TTLL9: variants seen among roughly 807,000 people sequenced by gnomAD.
The protein encoded by TTLL9 is probable tubulin polyglutamylase TTLL9.
A neutral mutation model predicts 65.6 loss-of-function variants in TTLL9; 47 were observed. That is an observed-to-expected ratio of 0.72 (90% CI 0.57 to 0.91). TTLL9 has a LOEUF of 0.91. Ranked by LOEUF, TTLL9 falls within the 40% of genes least tolerant of loss-of-function variation. The probability of loss-of-function intolerance (pLI) is 0.00; values close to 1 mark genes in which losing one functional copy is unlikely to be tolerated. For synonymous variants in TTLL9, 179 were observed against 204.8 expected (o/e 0.87, Z 1.07); for missense variants, 537 against 568.8 (o/e 0.94, Z 0.57).
rs565097015 is a variant in TTLL9 at position 31,906,732 on chromosome 20, C to T, written c.207-1859C>T. 2.0e-5 allele frequency among the ~76,000 whole-genome samples: 3 copies of T among 152,214 alleles called. No individual in the cohort carries two copies. The South Asian group carries it at 6.2e-4, about 32-fold the overall frequency. On this transcript the variant is annotated intron_variant, in intron 4 of 14. Coordinates refer to ENST00000535842, the MANE Select transcript of TTLL9 (RefSeq NM_001008409.5). ...TGGCATGATCTTGGCTCACCACAACCTCCACCCCCCTGCTCAAGTGATTCT... is the reference window on the plus strand; with the variant it reads ...TGGCATGATCTTGGCTCACCACAACTTCCACCCCCCTGCTCAAGTGATTCT...
At chr20:31,892,182 CT>C (rs199589961) in intron 3 of TTLL9, among the ~76,000 whole-genome samples, 429 of 125,128 alleles carry the variant, frequency 3.4e-3, no homozygotes, top group Middle Eastern at 5.0e-3. Flanking sequence ...CATAAACTTT[CT>C]TTTTTTTTTT....
At chr20:31,925,780 G>A in intron 9 of TTLL9, 1 of 1,168,776 alleles carries the variant, frequency 8.6e-7, no homozygotes, top group Middle Eastern at 1.9e-4. Context: ...CACTCCGGGT[G>A]GAGGAAACGG....
chr20:31,890,836 C>T (rs1431889127), intron 3 of TTLL9, among the ~76,000 whole-genome samples: 2 of 152,212 alleles, frequency 1.3e-5, no homozygotes, highest in Non-Finnish European at 2.9e-5. Flanking sequence ...TTCCAATCTG[C>T]TCCACATGCT....
chr20:31,886,418 G>A (rs1473438353), intron 2 of TTLL9, among the ~76,000 whole-genome samples: 2 of 152,198 alleles, frequency 1.3e-5, no homozygotes, highest in Admixed American at 6.5e-5. Context: ...CACCCACTGA[G>A]GATTTGAAAG....
Position 31,934,733 on chromosome 20 carries a change from G to A in TTLL9, c.849G>A (p.Ala283=), listed in dbSNP as rs17093694. The part of the protein sequence containing the change: ...WTLQRFRQYL[A]SKHGPEAVET... ...TGCAGCGCTTCCGGCAGTACCTGGCGTCCAAACACGGGCCCGAGGCAGTGG... is the reference window on the plus strand; with the variant it reads ...TGCAGCGCTTCCGGCAGTACCTGGCATCCAAACACGGGCCCGAGGCAGTGG... The change falls in exon 12 of 15, where the codon GCG becomes GCA. Residue 283 remains alanine (A), a synonymous_variant. Coordinates refer to ENST00000535842, the MANE Select transcript of TTLL9 (RefSeq NM_001008409.5). 2.1e-4 allele frequency: 341 copies of A among 1,612,504 alleles called. No individual in the cohort carries two copies. The African/African-American group carries it at 3.6e-3, about 17-fold the overall frequency.
intron 7 of TTLL9, among the ~76,000 whole-genome samples, chr20:31,920,300 CGAT>C (rs1407532226): frequency 6.6e-6 from 1 of 152,072 alleles, no homozygotes; most frequent in Non-Finnish European, 1.5e-5. Context: ...ACTCAGCGCT[CGAT>C]GCACGTTCTT....
chr20:31,920,933 C>A (rs1262823651), intron 7 of TTLL9, among the ~76,000 whole-genome samples: 1 of 152,198 alleles, frequency 6.6e-6, no homozygotes, highest in African/African-American at 2.4e-5. Context: ...GTGTTTGCAA[C>A]CTGCGAGGTG....
At chr20:31,887,797 A>G (rs1015843556) in intron 3 of TTLL9, among the ~76,000 whole-genome samples, 7 of 152,014 alleles carry the variant, frequency 4.6e-5, no homozygotes, top group African/African-American at 1.7e-4. Flanking sequence ...TAGAGGAGGT[A>G]GTTTACATAG....
chr20:31,890,128 TC>T (rs2063278028), intron 3 of TTLL9, among the ~76,000 whole-genome samples: 2 of 90,522 alleles, frequency 2.2e-5, no homozygotes, highest in African/African-American at 9.2e-5. Context: ...CTTCCTTCCT[TC>T]CTTCCTTCCT....
chr20:31,920,179 G>A (rs188505353), intron 7 of TTLL9, among the ~76,000 whole-genome samples: 1 of 152,254 alleles, frequency 6.6e-6, no homozygotes, highest in East Asian at 1.9e-4. Context: ...AGTAAATGGG[G>A]ATGGTAATTA....
At chr20:31,926,118 T>C (rs2063901838) in intron 10 of TTLL9, 27 bp downstream of exon 10, 2 of 1,503,782 alleles carry the variant, frequency 1.3e-6, no homozygotes, top group African/African-American at 1.4e-5. Flanking sequence ...GTCCCTTCCC[T>C]CCGGGAGCTT....
intron 4 of TTLL9, 25 bp from the exon 5 acceptor site, chr20:31,908,566 A>G (rs372430334): frequency 3.2e-6 from 5 of 1,571,310 alleles, no homozygotes; most frequent in Non-Finnish European, 4.4e-6. Context: ...CATGACCTTT[A>G]TCCCCGCCCC....
At chr20:31,913,356 G>C (rs113004602) in intron 6 of TTLL9, among the ~76,000 whole-genome samples, 1 of 152,160 alleles carries the variant, frequency 6.6e-6, no homozygotes, top group South Asian at 2.1e-4. Context: ...TATTAGTTCC[G>C]GGACCTTATT....
intron 4 of TTLL9, chr20:31,901,391 G>T (rs781331412): frequency 6.6e-6 from 1 of 152,130 alleles, no homozygotes; most frequent in Non-Finnish European, 1.5e-5. Context: ...TATGATGGTC[G>T]GAGACTGGGA....
At chr20:31,879,739 CT>C in intron 2 of TTLL9, 2 of 1,403,832 alleles carry the variant, frequency 1.4e-6, no homozygotes, top group Non-Finnish European at 1.9e-6. Context: ...GGACCAGAGC[CT>C]GCGCACTCCG....
intron 2 of TTLL9, among the ~76,000 whole-genome samples, chr20:31,885,652 C>T (rs1462777163): frequency 6.6e-6 from 1 of 152,156 alleles, no homozygotes; most frequent in Non-Finnish European, 1.5e-5. Context: ...GCAGTTTCCT[C>T]CACTCCTCTC....
Position 31,933,889 on chromosome 20 carries a change from T to G in TTLL9, c.807+31T>G, listed in dbSNP as rs1271904056. On this transcript the variant is annotated intron_variant, in intron 11 of 14. Transcript: ENST00000535842. ...GAAGCCGGGCTCGGCTATGCACGGG[T>G]ACAGCCCTCTGGCGCCAGGTCGGGG... 3 of 1,604,784 alleles carry G rather than the reference T, an allele frequency of 1.9e-6. No homozygotes were observed. In the African/African-American group the frequency reaches 4.0e-5, roughly 22 times the overall value.
At chr20:31,886,390 A>G (rs1350568686) in intron 2 of TTLL9, among the ~76,000 whole-genome samples, 1 of 152,220 alleles carries the variant, frequency 6.6e-6, no homozygotes, top group Non-Finnish European at 1.5e-5. Flanking sequence ...GACATGGTTG[A>G]AGTGAAATAA....
rs758575451 is a variant in TTLL9, at chr20:31,925,041, G to T, written c.697G>T (p.Val233Leu). Residue 233 changes from valine to leucine, a missense_variant, in exon 9 of 15, where the codon GTG (valine) becomes TTG (leucine). By Grantham distance (32) the Val-to-Leu change is conservative. This residue lies in a region of TTLL9 where 320 missense variants were observed against 311.0 expected (regional missense o/e 1.03). Coordinates refer to ENST00000535842, the MANE Select transcript of TTLL9 (RefSeq NM_001008409.5). ...GTTTGACCTGCGTGTCTATGTGCTGGTGATGTCGGTGAGTAACAAAGGTGG... is the reference window on the plus strand; with the variant it reads ...GTTTGACCTGCGTGTCTATGTGCTGTTGATGTCGGTGAGTAACAAAGGTGG... Reference protein sequence around the residue: ...RKFDLRVYVLVMSVFAECLLW... With the variant: ...RKFDLRVYVLLMSVFAECLLW... The T allele has an allele frequency of 8.7e-6, 14 of 1,613,976 alleles. No individual in the cohort carries two copies. Among genetic ancestry groups the T allele is most frequent in the Non-Finnish European group, 1.1e-5 (13 of 1,179,998 alleles).
Sources: allele counts gnomAD v4.1 joint callset (sites outside exome capture counted in the v4.1 genomes callset), GRCh38; gene constraint gnomAD v4.1.1; regional missense constraint gnomAD v4.1.1; transcripts MANE v1.5; gene names NCBI Gene and HGNC (gene_info 2026-07-23, HGNC 2026-07-21).